BTRC: variants seen among roughly 807,000 people sequenced by gnomAD.
The protein encoded by BTRC is beta-transducin repeat containing E3 ubiquitin protein ligase, also known as F-box/WD repeat-containing protein 1A.
In BTRC, 42 loss-of-function variants were observed where a neutral mutation model predicts 85.5. That is an observed-to-expected ratio of 0.49 (90% CI 0.38 to 0.64). The LOEUF (loss-of-function observed/expected upper bound fraction) is 0.64, where lower values mean the gene tolerates loss of function less well. Ranked by LOEUF, BTRC falls within the 30% of genes least tolerant of loss-of-function variation. The probability of loss-of-function intolerance (pLI) is 0.00; values close to 1 mark genes in which losing one functional copy is unlikely to be tolerated. For missense variants in BTRC, 594 were observed against 743.5 expected (o/e 0.80, Z 2.34); for synonymous variants, 255 against 263.3 (o/e 0.97, Z 0.30).
rs773746530 is a variant in BTRC, at chr10:101,555,350, T to C, written c.*2227T>C. On this transcript the variant is annotated 3_prime_UTR_variant, in exon 15 of 15. Coordinates refer to ENST00000370187, the MANE Select transcript of BTRC (RefSeq NM_033637.4). ...CCAGGGTTTTGCTCTCCAATCTAGG[T>C]TCAGTTGAAGGAATATTGTTTCTAA... The C allele has an allele frequency of 2.0e-5, 3 of 152,758 alleles. No homozygotes were observed. Among genetic ancestry groups the C allele is most frequent in the Non-Finnish European group, 4.4e-5 (3 of 68,032 alleles). 9.5% of individuals were successfully genotyped at this position (152,758 alleles called of 1,614,324 possible). A position where few individuals can be genotyped will look rare whatever the true frequency, so the allele number is the denominator to read the frequency against.
intron 1 of BTRC, among the ~76,000 whole-genome samples, chr10:101,380,416 A>C (rs1402335609): frequency 6.6e-6 from 1 of 151,982 alleles, no homozygotes; most frequent in East Asian, 1.9e-4. Flanking sequence ...AATGTCAAAA[A>C]TGCAAACTTG....
intron 4 of BTRC, among the ~76,000 whole-genome samples, chr10:101,497,671 A>C (rs1301235079): frequency 2.6e-5 from 4 of 152,114 alleles, no homozygotes; most frequent in Admixed American, 1.3e-4. Context: ...ATGCCACTGC[A>C]CTCCAGGCTG....
chr10:101,422,753 A>G (rs1051898929), intron 1 of BTRC, among the ~76,000 whole-genome samples: 3 of 152,042 alleles, frequency 2.0e-5, no homozygotes, highest in Non-Finnish European at 4.4e-5. Context: ...TGTTTTTGTC[A>G]GGTTTGTCAA....
In BTRC at chr10:101,541,685, A is replaced by G. The variant is rs566232047; in HGVS notation, c.1656+3314A>G. 2.0e-5 allele frequency among the ~76,000 whole-genome samples: 3 copies of G among 152,340 alleles called. No homozygotes were observed. In the East Asian group the frequency reaches 5.8e-4, roughly 29 times the overall value. On this transcript the variant is annotated intron_variant, in intron 13 of 14. Transcript: ENST00000370187. ...AAATGCTTTATCTACATCCATTGAG[A>G]TAATCATATGGTTTTTCACTTTTAT...
chr10:101,481,571 TTA>T (rs1945835161), intron 4 of BTRC, among the ~76,000 whole-genome samples: 1 of 152,008 alleles, frequency 6.6e-6, no homozygotes, highest in Non-Finnish European at 1.5e-5. Flanking sequence ...TTTTTTTTTT[TTA>T]ATTGTTTTTT....
chr10:101,354,119 GC>G, upstream of BTRC: 1 of 1,538,860 alleles, frequency 6.5e-7, no homozygotes, highest in Non-Finnish European at 8.8e-7. Flanking sequence ...CGCTGCGTTG[GC>G]TGCGGCCTGG....
chr10:101,354,091 G>A, upstream of BTRC: 1 of 1,439,744 alleles, frequency 6.9e-7, no homozygotes, highest in Non-Finnish European at 9.5e-7. Flanking sequence ...GGGGAAGGAA[G>A]AGGAGGCGGG....
chr10:101,530,900 G>A (rs1263273071), intron 6 of BTRC, among the ~76,000 whole-genome samples: 2 of 152,222 alleles, frequency 1.3e-5, no homozygotes, highest in Non-Finnish European at 2.9e-5. Context: ...TCGGCCGGGT[G>A]TGATGGCTCA....
intron 1 of BTRC, chr10:101,414,544 A>T (rs1349739694): frequency 1.2e-5 from 5 of 433,854 alleles, no homozygotes; most frequent in South Asian, 7.0e-5. Flanking sequence ...TCTACTTATT[A>T]AAAAAAATTA....
chr10:101,430,819 A>G (rs1454791933), intron 2 of BTRC, among the ~76,000 whole-genome samples: 1 of 152,230 alleles, frequency 6.6e-6, no homozygotes, highest in Non-Finnish European at 1.5e-5. Flanking sequence ...TCAATTAATT[A>G]CAATCAGTTT....
intron 4 of BTRC, among the ~76,000 whole-genome samples, chr10:101,503,759 T>C (rs1367299785): frequency 6.6e-6 from 1 of 152,234 alleles, no homozygotes; most frequent in African/African-American, 2.4e-5. Context: ...AGTTGGCTTC[T>C]TGAGATCCTA....
intron 1 of BTRC, among the ~76,000 whole-genome samples, chr10:101,362,107 C>T (rs1282553351): frequency 1.3e-5 from 2 of 149,088 alleles, no homozygotes; most frequent in African/African-American, 4.9e-5. Context: ...ATTACAGGCA[C>T]GTACCACCAC....
intron 6 of BTRC, among the ~76,000 whole-genome samples, chr10:101,526,881 T>C (rs2134391349): frequency 6.6e-6 from 1 of 152,360 alleles, no homozygotes; most frequent in Admixed American, 6.5e-5. Context: ...TTTTCAAGAT[T>C]TTCTGACTTA....
intron 3 of BTRC, among the ~76,000 whole-genome samples, chr10:101,475,489 G>A (rs1331080279): frequency 6.6e-6 from 1 of 152,156 alleles, no homozygotes; most frequent in Non-Finnish European, 1.5e-5. Context: ...ACAGTGAGCC[G>A]AGATTGCACC....
intron 1 of BTRC, among the ~76,000 whole-genome samples, chr10:101,426,761 A>G (rs915779494): frequency 6.6e-6 from 1 of 152,192 alleles, no homozygotes; most frequent in African/African-American, 2.4e-5. Flanking sequence ...TTAATTTTAA[A>G]AAGAGCCCCA....
chr10:101,485,619 G>T (rs1945963214), intron 4 of BTRC, among the ~76,000 whole-genome samples: 2 of 152,186 alleles, frequency 1.3e-5, no homozygotes, highest in Admixed American at 6.5e-5. Flanking sequence ...TTTCTTCAGT[G>T]AACTCTATGA....
chr10:101,404,265 T>C (rs888270076), intron 1 of BTRC, among the ~76,000 whole-genome samples: 15 of 149,520 alleles, frequency 1.0e-4, no homozygotes, highest in Non-Finnish European at 2.2e-4. Flanking sequence ...CTCCTGACCT[T>C]ATGATCCGCC....
At chr10:101,521,546 G>T in intron 4 of BTRC, 93 bp from the exon 5 acceptor site, 2 of 878,898 alleles carry the variant, frequency 2.3e-6, no homozygotes, top group African/African-American at 1.7e-5. Context: ...CAATCATGTA[G>T]ACATAATATA....
chr10:101,551,009 G>A (rs1300801849), intron 14 of BTRC, 118 bp downstream of exon 14: 7 of 922,266 alleles, frequency 7.6e-6, no homozygotes, highest in Admixed American at 2.8e-5. Flanking sequence ...CTGTAAAGCC[G>A]AGGAAGCAGA....
Sources: gnomAD v4.1 joint callset for allele counts (sites outside exome capture counted in the v4.1 genomes callset) on GRCh38, gnomAD v4.1.1 for gene constraint, MANE v1.5 for transcripts, NCBI Gene and HGNC (gene_info 2026-07-23, HGNC 2026-07-21) for gene names.